The following PCDHGA5 variants were observed in gnomAD, a reference collection of about 807,000 sequenced individuals.
The protein encoded by PCDHGA5 is protocadherin gamma subfamily A, 5, also known as protocadherin gamma-A5.
In PCDHGA5, 36 loss-of-function variants were observed where a neutral mutation model predicts 56.7. The ratio of observed to expected loss-of-function variants is 0.64; its 90% CI spans 0.49 to 0.84. PCDHGA5 has a LOEUF of 0.84. PCDHGA5 is among the 40% of genes least tolerant of loss of function. PCDHGA5 has a pLI of 0.00. For missense variants in PCDHGA5, 1,305 were observed against 1,201.5 expected (o/e 1.09, Z -1.27); for synonymous variants, 563 against 520.2 (o/e 1.08, Z -1.12).
rs111263562 is a variant in PCDHGA5, at chr5:141,487,812, T to C, written c.2422-6995T>C. The C allele has an allele frequency of 1.1e-4, 148 of 1,408,204 alleles. 1 individual carries two copies. Among genetic ancestry groups the C allele is most frequent in the South Asian group, 1.6e-4 (12 of 73,988 alleles). The allele number at this position is 1,408,204 out of a possible 1,614,324, so 87.2% of individuals were successfully genotyped here. On this transcript the variant is annotated intron_variant, in intron 1 of 3. Coordinates refer to ENST00000518069, the MANE Select transcript of PCDHGA5 (RefSeq NM_018918.3). The surrounding 1 kb of genome is among the most constrained non-coding windows in gnomAD (Gnocchi z 5.0). ...TAACCAGAGTTGTCACAGTTTAGCA[T>C]TGGGGGCGGGTCATGCCTATATCTG...
chr5:141,445,456 T>A (rs921684111), intron 1 of PCDHGA5, among the ~76,000 whole-genome samples: 8 of 152,218 alleles, frequency 5.3e-5, no homozygotes, highest in Non-Finnish European at 1.0e-4. Flanking sequence ...GATGCAGCAA[T>A]GAACAAGGCA....
intron 1 of PCDHGA5, among the ~76,000 whole-genome samples, chr5:141,444,106 G>A (rs2098417269): frequency 7.6e-6 from 1 of 131,112 alleles, no homozygotes; most frequent in South Asian, 2.6e-4. Flanking sequence ...TGGAAACCAA[G>A]AAAAGTGAAG....
chr5:141,480,152 C>G (rs2099513323), intron 1 of PCDHGA5, among the ~76,000 whole-genome samples: 1 of 151,928 alleles, frequency 6.6e-6, no homozygotes, highest in African/African-American at 2.4e-5. Context: ...TAGCCAGCTC[C>G]TAGCATTTTG....
chr5:141,383,364 C>G lies in PCDHGA5; in HGVS notation c.2421+16613C>G, dbSNP rs1345393790. Reference sequence around the variant, plus strand: ...CTCCTGGGGTTCGGTTTCCGTTAAGCGAGGCTGGGGATCCAGATGTGGGCA... The same window carrying G: ...CTCCTGGGGTTCGGTTTCCGTTAAGGGAGGCTGGGGATCCAGATGTGGGCA... On this transcript the variant is annotated intron_variant, in intron 1 of 3. Transcript: ENST00000518069. The G allele has an allele frequency of 2.5e-6, 4 of 1,613,946 alleles. No homozygotes were observed. The South Asian group carries it at 4.4e-5, about 18-fold the overall frequency.
Position 141,409,092 on chromosome 5 carries a change from A to C in PCDHGA5, c.2421+42341A>C, listed in dbSNP as rs150634031. On this transcript the variant is annotated intron_variant, in intron 1 of 3. Coordinates refer to ENST00000518069, the MANE Select transcript of PCDHGA5 (RefSeq NM_018918.3). ...AAACATATGTTCTCATTGGATGAGA[A>C]AACAGGTATGATTAAGAATAACCAG... 12 of 1,614,050 alleles carry C rather than the reference A, an allele frequency of 7.4e-6. No homozygotes were observed. The East Asian group carries it at 2.7e-4, about 36-fold the overall frequency.
rs1023591745 is a variant in PCDHGA5 at position 141,432,912 on chromosome 5, G to T, written c.2422-61895G>T. 2.5e-6 allele frequency: 4 copies of T among 1,614,160 alleles called. No individual in the cohort carries two copies. Among genetic ancestry groups the T allele is most frequent in the Non-Finnish European group, 3.4e-6 (4 of 1,180,012 alleles). On this transcript the variant is annotated intron_variant, in intron 1 of 3. Transcript: ENST00000518069. The surrounding 1 kb of genome is among the most constrained non-coding windows in gnomAD (Gnocchi z 6.0). Reference sequence around the variant, plus strand: ...TTGCTGCTGGCGCTCAGGCTGCGGCGCTGGCACAAGTCACGCCTGCTGCAG... The same window carrying T: ...TTGCTGCTGGCGCTCAGGCTGCGGCTCTGGCACAAGTCACGCCTGCTGCAG...
At chr5:141,410,583 G>A (rs1257322419) in intron 1 of PCDHGA5, 1 of 1,610,052 alleles carries the variant, frequency 6.2e-7, no homozygotes, top group African/African-American at 1.3e-5. Context: ...CCTCATGGTG[G>A]GGAGGATTTG....
intron 1 of PCDHGA5, chr5:141,389,309 T>A (rs763262842): frequency 1.4e-5 from 23 of 1,613,900 alleles, no homozygotes; most frequent in Non-Finnish European, 1.9e-5. Flanking sequence ...TCAGGGCTTC[T>A]GATCCGGACT....
At chr5:141,502,356 G>C (rs1443285213) in intron 2 of PCDHGA5, among the ~76,000 whole-genome samples, 4 of 151,838 alleles carry the variant, frequency 2.6e-5, no homozygotes. Flanking sequence ...TAATGACATG[G>C]ATATTTTTAA....
At chr5:141,428,226 C>A (rs2154552641) in intron 1 of PCDHGA5, 1 of 1,137,180 alleles carries the variant, frequency 8.8e-7, no homozygotes, top group South Asian at 1.3e-5. Flanking sequence ...TCTTCGCAGA[C>A]AGCCTGCAGG....
intron 1 of PCDHGA5, chr5:141,387,848 C>A (rs746271589): frequency 1.1e-5 from 18 of 1,597,460 alleles, no homozygotes; most frequent in Non-Finnish European, 1.5e-5. Flanking sequence ...AACCCGGCGT[C>A]TCCAGGCTGG....
Position 141,490,310 on chromosome 5 carries a change from AC to A in PCDHGA5, c.2422-4494del. 1 of 1,614,084 alleles carries A rather than the reference AC, an allele frequency of 6.2e-7. No homozygotes were observed. The highest frequency in any genetic ancestry group is 8.5e-7 in the Non-Finnish European group (1 of 1,180,012). ...GAGGTGCTATTGGCCTCTTTGGCCA[AC>A]CCTGTCCTAGAGAGCACACCAGTGG... is the stretch of plus-strand genomic sequence containing the variant. On this transcript the variant is annotated intron_variant, in intron 1 of 3. Transcript: ENST00000518069. This position sits in a 1 kb window ranked among gnomAD's most constrained non-coding sequence, Gnocchi z 5.4.
chr5:141,456,633 C>CT (rs1229637837), intron 1 of PCDHGA5, among the ~76,000 whole-genome samples: 1 of 152,182 alleles, frequency 6.6e-6, no homozygotes, highest in Non-Finnish European at 1.5e-5. Context: ...CTCTTCTTTA[C>CT]TACAGGTGTT....
intron 1 of PCDHGA5, among the ~76,000 whole-genome samples, chr5:141,467,341 C>T (rs1169830103): frequency 6.6e-6 from 1 of 152,214 alleles, no homozygotes; most frequent in Non-Finnish European, 1.5e-5. Context: ...ACGTAAGCCA[C>T]TGCCCCCGGC....
chr5:141,419,322 C>T lies in PCDHGA5; in HGVS notation c.2421+52571C>T, dbSNP rs370480327. The stretch of plus-strand genomic sequence containing the variant: ...GACTTCGGGCTCAACGGCCGTGTCT[C>T]CTACTCTCTCATTGCCAGCGACCTG... On this transcript the variant is annotated intron_variant, in intron 1 of 3. Transcript: ENST00000518069. 164 of 1,613,852 alleles carry T rather than the reference C, an allele frequency of 1.0e-4. No individual in the cohort carries two copies. Among genetic ancestry groups the T allele is most frequent in the Non-Finnish European group, 1.3e-4 (153 of 1,179,898 alleles).
Position 141,486,058 on chromosome 5 carries a change from G to A in PCDHGA5, c.2422-8749G>A. On this transcript the variant is annotated intron_variant, in intron 1 of 3. Transcript: ENST00000518069. The surrounding 1 kb of genome is among the most constrained non-coding windows in gnomAD (Gnocchi z 5.0). The stretch of plus-strand genomic sequence containing the variant: ...ATCGTGTAAGAAACCTCTTTAGCCT[G>A]CACCCCACTACTGGAAAGCTTACTC... The A allele has an allele frequency of 6.2e-7, 1 of 1,614,122 alleles. No homozygotes were observed. The highest frequency in any genetic ancestry group is 8.5e-7 in the Non-Finnish European group (1 of 1,180,012).
chr5:141,487,380 G>A lies in PCDHGA5; in HGVS notation c.2422-7427G>A. On this transcript the variant is annotated intron_variant, in intron 1 of 3. Transcript: ENST00000518069. This position sits in a 1 kb window ranked among gnomAD's most constrained non-coding sequence, Gnocchi z 5.0. ...GCTGGCACCTGTGCCTGTCTCACCA[G>A]ATCTCGAAGGAGGGAGGGGCTTCCC... is the stretch of plus-strand genomic sequence containing the variant. The A allele has an allele frequency of 1.2e-6, 2 of 1,614,202 alleles. No individual in the cohort carries two copies. The highest frequency in any genetic ancestry group is 2.2e-5 in the South Asian group (2 of 91,078).
intron 1 of PCDHGA5, chr5:141,388,960 A>C: frequency 1.2e-6 from 2 of 1,614,038 alleles, no homozygotes; most frequent in Non-Finnish European, 1.7e-6. Context: ...GAGGACGCCG[A>C]GCTGGGAACA....
chr5:141,408,973 T>G lies in PCDHGA5; in HGVS notation c.2421+42222T>G, dbSNP rs754120948. 4.3e-5 allele frequency: 70 copies of G among 1,613,718 alleles called. No homozygotes were observed. In the Admixed American group the frequency reaches 6.5e-4, roughly 15 times the overall value. ...TTAGTCTTAGTGAAAATCTGCCCCC[T>G]GGGTCCCCTGTGTTGCAAGTGACAG... On this transcript the variant is annotated intron_variant, in intron 1 of 3. Transcript: ENST00000518069.
Sources: gnomAD v4.1 joint callset for allele counts (sites outside exome capture counted in the v4.1 genomes callset) on GRCh38, gnomAD v4.1.1 for gene constraint, Gnocchi (gnomAD v3.1) non-coding constraint, MANE v1.5 for transcripts, NCBI Gene and HGNC (gene_info 2026-07-23, HGNC 2026-07-21) for gene names.